ST6GAL2: variants seen among roughly 807,000 people sequenced by gnomAD.
The protein encoded by ST6GAL2 is beta-galactoside alpha-2,6-sialyltransferase 2.
In ST6GAL2, 24 loss-of-function variants were observed where a neutral mutation model predicts 37.5. The observed-to-expected ratio is 0.64, with a 90% CI of 0.46 to 0.90. ST6GAL2 has a LOEUF of 0.90. Among genes scored for constraint, ST6GAL2 ranks in the 40% least tolerant of loss-of-function variants. The pLI is 0.00. For missense variants in ST6GAL2, 715 were observed against 712.7 expected (o/e 1.00, Z -0.04); for synonymous variants, 306 against 295.1 (o/e 1.04, Z -0.38).
chr2:106,872,793 A>T (rs1014684234), intron 1 of ST6GAL2, among the ~76,000 whole-genome samples: 2 of 151,976 alleles, frequency 1.3e-5, no homozygotes, highest in Middle Eastern at 3.2e-3. Context: ...AGTAGAGACA[A>T]GGTTCCTTTT....
At chr2:106,813,074 A>G (rs1181195691) in intron 5 of ST6GAL2, 8 of 1,226,226 alleles carry the variant, frequency 6.5e-6, no homozygotes, top group Non-Finnish European at 7.1e-6. Context: ...GCTGTTTTGA[A>G]TCTTTAAACA....
chr2:106,850,919 C>T (rs1677333818), intron 1 of ST6GAL2, among the ~76,000 whole-genome samples: 1 of 152,164 alleles, frequency 6.6e-6, no homozygotes, highest in Admixed American at 6.5e-5. Context: ...AAGAGGCCCA[C>T]CAGGCAAATC....
intron 1 of ST6GAL2, among the ~76,000 whole-genome samples, chr2:106,868,276 G>C (rs572253049): frequency 1.3e-5 from 2 of 152,264 alleles, no homozygotes; most frequent in Admixed American, 1.3e-4. Context: ...AGAAGGAAAA[G>C]AAAGAAGGAA....
intron 1 of ST6GAL2, among the ~76,000 whole-genome samples, chr2:106,856,200 C>A (rs1184458630): frequency 1.3e-5 from 2 of 152,328 alleles, no homozygotes; most frequent in East Asian, 3.9e-4. Flanking sequence ...CTGCTGTGTG[C>A]CTGCAGGCTG....
intron 1 of ST6GAL2, among the ~76,000 whole-genome samples, chr2:106,867,130 G>T (rs1678062136): frequency 6.6e-6 from 1 of 152,126 alleles, no homozygotes; most frequent in Non-Finnish European, 1.5e-5. Flanking sequence ...ACCTTGGAGG[G>T]CACTTCTTTC....
Position 106,806,856 on chromosome 2 carries a change from A to G in ST6GAL2, c.1412T>C (p.Leu471Pro). The part of the protein sequence containing the change: ...RQTELCHYHE[L>P]YYDAACTLGA... The stretch of plus-strand genomic sequence containing the variant: ...GAGGGTGCAGGCTGCGTCGTAGTAC[A>G]GCTCGTGGTAGTGGCACAGCTCCGT... The change falls in exon 6 of 6, where the codon CTG becomes CCG. Residue 471 changes from leucine (L) to proline (P), a missense_variant. This residue lies in a region of ST6GAL2 where 198 missense variants were observed against 203.6 expected (regional missense o/e 0.97). Coordinates refer to ENST00000409382, the MANE Select transcript of ST6GAL2 (RefSeq NM_001142351.2). The G allele has an allele frequency of 6.2e-7, 1 of 1,614,184 alleles. No individual in the cohort carries two copies. The highest frequency in any genetic ancestry group is 8.5e-7 in the Non-Finnish European group (1 of 1,180,044).
intron 1 of ST6GAL2, among the ~76,000 whole-genome samples, chr2:106,881,414 G>C (rs1279209588): frequency 2.0e-5 from 3 of 152,112 alleles, no homozygotes; most frequent in Non-Finnish European, 1.5e-5. Context: ...TTGTAACTGG[G>C]TTAGCTCTAT....
chr2:106,883,467 A>G (rs899649950), intron 1 of ST6GAL2, among the ~76,000 whole-genome samples: 2 of 152,244 alleles, frequency 1.3e-5, no homozygotes, highest in Admixed American at 1.3e-4. Flanking sequence ...GTGTAAGAAC[A>G]TTGAAAATTT....
At chr2:106,836,115 C>CT (rs993878615) in intron 2 of ST6GAL2, among the ~76,000 whole-genome samples, 10 of 152,086 alleles carry the variant, frequency 6.6e-5, no homozygotes, top group African/African-American at 1.4e-4. Context: ...TTTAAAACAG[C>CT]TTTTTTTCAA....
chr2:106,807,035 G>T, intron 5 of ST6GAL2, 86 bp from the exon 6 acceptor site: 3 of 1,138,716 alleles, frequency 2.6e-6, no homozygotes, highest in Non-Finnish European at 3.7e-6. Flanking sequence ...GTGGTGATGG[G>T]ATATGACTGT....
rs2104406711 is a variant in ST6GAL2 at position 106,806,719 on chromosome 2, C to T, written c.1549G>A (p.Val517Met). The T allele has an allele frequency of 6.2e-7, 1 of 1,613,220 alleles. No individual in the cohort carries two copies. Among genetic ancestry groups the T allele is most frequent in the Non-Finnish European group, 8.5e-7 (1 of 1,179,124 alleles). ...GKVVLPGFQA[V>M]HCPAPSPVIP... ...ACTGGACTTGGTGCAGGGCAGTGCA[C>T]CGCCTGGAAGCCGGGAAGAACCACC... Residue 517 changes from valine to methionine, a missense_variant, in exon 6 of 6, where the codon GTG (valine) becomes ATG (methionine). By Grantham distance (21) the Val-to-Met change is conservative. Coordinates refer to ENST00000409382, the MANE Select transcript of ST6GAL2 (RefSeq NM_001142351.2).
chr2:106,854,436 T>A (rs1677490835), intron 1 of ST6GAL2, among the ~76,000 whole-genome samples: 1 of 152,230 alleles, frequency 6.6e-6, no homozygotes, highest in Admixed American at 6.5e-5. Context: ...GTTTTGAAAT[T>A]CTGTAAAAGT....
intron 1 of ST6GAL2, among the ~76,000 whole-genome samples, chr2:106,870,476 C>T (rs947215598): frequency 6.6e-6 from 1 of 152,052 alleles, no homozygotes; most frequent in African/African-American, 2.4e-5. Context: ...CTTTCATTGC[C>T]TGAGAGTACA....
At chr2:106,816,004 G>A (rs892303942) in intron 5 of ST6GAL2, among the ~76,000 whole-genome samples, 2 of 152,120 alleles carry the variant, frequency 1.3e-5, no homozygotes, top group Non-Finnish European at 2.9e-5. Context: ...TTACAACAAC[G>A]TTAAAATCTG....
At position 106,830,126 on chromosome 2, in the gene ST6GAL2, T is replaced by C; in HGVS notation, c.1258A>G (p.Ile420Val). The change falls in exon 5 of 6, where the codon ATT becomes GTT. Residue 420 changes from isoleucine to valine, a missense_variant. Around this residue, in one of 3 missense-constraint regions of ST6GAL2, gnomAD observed 198 missense variants for 203.6 expected, o/e 0.97. Transcript: ENST00000409382. ...TTCTCTTTAGTGTTCTCCTGGATAA[T>C]ATCCCAGAGCTGCCATATAAATTTA... Reference protein sequence around the residue: ...HPKFIWQLWDIIQENTKEKIQ... With the variant: ...HPKFIWQLWDVIQENTKEKIQ... 1 of 1,614,058 alleles carries C rather than the reference T, an allele frequency of 6.2e-7. No individual in the cohort carries two copies. The highest frequency in any genetic ancestry group is 2.2e-5 in the East Asian group (1 of 44,854).
chr2:106,864,738 G>A (rs538722715), intron 1 of ST6GAL2, among the ~76,000 whole-genome samples: 3 of 152,200 alleles, frequency 2.0e-5, no homozygotes. Flanking sequence ...GGCAATTAAT[G>A]TATCGCCAGG....
At chr2:106,884,425 A>G (rs1678874988) in intron 1 of ST6GAL2, among the ~76,000 whole-genome samples, 1 of 152,194 alleles carries the variant, frequency 6.6e-6, no homozygotes, top group Admixed American at 6.5e-5. Flanking sequence ...TGTGCACCAC[A>G]TAGCAAACTC....
In ST6GAL2 at chr2:106,806,817, G is replaced by A; in HGVS notation, c.1451C>T (p.Pro484Leu). 6.2e-7 allele frequency: 1 copy of A among 1,614,160 alleles called. No homozygotes were observed. The highest frequency in any genetic ancestry group is 8.5e-7 in the Non-Finnish European group (1 of 1,180,030). The change falls in exon 6 of 6, where the codon CCA becomes CTA. Residue 484 changes from proline (P) to leucine (L), a missense_variant. Pro to Leu is a moderately conservative substitution (Grantham distance 98). This residue lies in a region of ST6GAL2 where 198 missense variants were observed against 203.6 expected (regional missense o/e 0.97). Transcript: ENST00000409382. ...CACCAGGAGCTTCTCATAGAGTAGT[G>A]GGTGGTACGCCCCGAGGGTGCAGGC... The part of the protein sequence containing the change: ...DAACTLGAYH[P>L]LLYEKLLVQR...
chr2:106,866,386 G>T (rs114582269), intron 1 of ST6GAL2, among the ~76,000 whole-genome samples: 2 of 152,166 alleles, frequency 1.3e-5, no homozygotes, highest in African/African-American at 4.8e-5. Flanking sequence ...AAGCAGGCAT[G>T]GGTCATATGT....
Sources: allele counts gnomAD v4.1 joint callset (sites outside exome capture counted in the v4.1 genomes callset), GRCh38; gene constraint gnomAD v4.1.1; regional missense constraint gnomAD v4.1.1; transcripts MANE v1.5; gene names NCBI Gene and HGNC (gene_info 2026-07-23, HGNC 2026-07-21).